VEZT: variants seen among roughly 807,000 people sequenced by gnomAD.
The protein encoded by VEZT is vezatin.
In VEZT, 39 loss-of-function variants were observed where a neutral mutation model predicts 79.9. The ratio of observed to expected loss-of-function variants is 0.49; its 90% CI spans 0.38 to 0.64. The LOEUF (loss-of-function observed/expected upper bound fraction) is 0.64, where lower values mean the gene tolerates loss of function less well. Among genes scored for constraint, VEZT ranks in the 30% least tolerant of loss-of-function variants. The pLI is 0.00. For missense variants in VEZT, 837 were observed against 893.1 expected (o/e 0.94, Z 0.80); for synonymous variants, 325 against 327.6 (o/e 0.99, Z 0.09).
chr12:95,286,593 C>A, intron 8 of VEZT: 1 of 458,444 alleles, frequency 2.2e-6, no homozygotes, highest in South Asian at 1.8e-5. Context: ...CCATCTTTTT[C>A]TTCACCAGCT....
intron 3 of VEZT, among the ~76,000 whole-genome samples, chr12:95,261,311 T>C (rs1204381309): frequency 6.6e-6 from 1 of 152,224 alleles, no homozygotes; most frequent in Non-Finnish European, 1.5e-5. Context: ...CTAACAGGTT[T>C]TACTTTAATT....
intron 1 of VEZT, among the ~76,000 whole-genome samples, chr12:95,250,750 T>G (rs577649370): frequency 5.3e-5 from 8 of 151,008 alleles, no homozygotes; most frequent in Non-Finnish European, 8.9e-5. Flanking sequence ...TGGGGTGATT[T>G]TTTTTTTTTT....
intron 1 of VEZT, among the ~76,000 whole-genome samples, chr12:95,225,329 C>T (rs183891131): frequency 2.0e-5 from 3 of 152,076 alleles, no homozygotes; most frequent in Admixed American, 2.0e-4. Context: ...CCGAGGCGGG[C>T]GGATCACCAG....
chr12:95,267,472 C>T (rs2065754053), intron 5 of VEZT, among the ~76,000 whole-genome samples: 2 of 152,126 alleles, frequency 1.3e-5, no homozygotes, highest in South Asian at 4.1e-4. Context: ...TGGTGAAGAA[C>T]ATTCATAGCT....
intron 6 of VEZT, among the ~76,000 whole-genome samples, chr12:95,272,480 TAG>T (rs1396162392): frequency 6.6e-6 from 1 of 152,174 alleles, no homozygotes; most frequent in African/African-American, 2.4e-5. Flanking sequence ...AGTTGGAGGT[TAG>T]AGTATGAAAT....
At chr12:95,262,060 C>G (rs552192882) in intron 3 of VEZT, among the ~76,000 whole-genome samples, 1 of 152,342 alleles carries the variant, frequency 6.6e-6, no homozygotes, top group East Asian at 1.9e-4. Context: ...CCCACTTCTC[C>G]AACTCCTTTG....
rs934733008 is a variant in VEZT at position 95,274,301 on chromosome 12, G to GA, written c.849-434dup. 3.9e-5 allele frequency among the ~76,000 whole-genome samples: 6 copies of GA among 152,036 alleles called. No homozygotes were observed. The East Asian group carries it at 1.2e-3, about 29-fold the overall frequency. On this transcript the variant is annotated intron_variant, in intron 6 of 11. Coordinates refer to ENST00000436874, the MANE Select transcript of VEZT (RefSeq NM_017599.4). ...ACAACATGGCAAAACATCATCTCTA[G>GA]AAAAAAATACAAAAATCAGCTGGGT...
chr12:95,252,057 A>G lies in VEZT; in HGVS notation c.154A>G (p.Arg52Gly), dbSNP rs745446290. 2.1e-5 allele frequency: 34 copies of G among 1,607,454 alleles called. No individual in the cohort carries two copies. Among genetic ancestry groups the G allele is most frequent in the Non-Finnish European group, 2.7e-5 (32 of 1,177,964 alleles). ...AGAGGGACAACAAAAGCCTCCTACA[A>G]GAGTCCTACCAAAAGTAAGAACGCA... is the stretch of plus-strand genomic sequence containing the variant. ...TTEGQQKPPT[R>G]VLPKQGILLK... The change falls in exon 2 of 12, where the codon AGA (arginine) becomes GGA (glycine). Residue 52 changes from arginine (R) to glycine (G), a missense_variant. Transcript: ENST00000436874.
intron 6 of VEZT, among the ~76,000 whole-genome samples, chr12:95,270,748 G>A (rs2066427266): frequency 6.6e-6 from 1 of 152,188 alleles, no homozygotes; most frequent in Non-Finnish European, 1.5e-5. Context: ...GTTAATCCAT[G>A]TAAAGTGATC....
intron 1 of VEZT, among the ~76,000 whole-genome samples, chr12:95,246,397 A>G (rs2061725760): frequency 1.3e-5 from 2 of 152,320 alleles, no homozygotes; most frequent in African/African-American, 2.4e-5. Context: ...TGCTGGGATT[A>G]CAGGCGTGAG....
chr12:95,291,056 G>A (rs2072651267), intron 9 of VEZT, among the ~76,000 whole-genome samples: 1 of 152,058 alleles, frequency 6.6e-6, no homozygotes, highest in Admixed American at 6.5e-5. Context: ...CTTGAAACCA[G>A]TAGTTTGAGA....
chr12:95,267,996 T>C (rs990522651), intron 5 of VEZT, among the ~76,000 whole-genome samples: 1 of 151,850 alleles, frequency 6.6e-6, no homozygotes, highest in Non-Finnish European at 1.5e-5. Context: ...CACTCCAGTT[T>C]GGGCAACAGA....
intron 1 of VEZT, among the ~76,000 whole-genome samples, chr12:95,246,532 G>C (rs1308151252): frequency 1.3e-5 from 2 of 152,206 alleles, no homozygotes; most frequent in Non-Finnish European, 2.9e-5. Flanking sequence ...CAGCAAAAAT[G>C]TGGGATTTTC....
At chr12:95,278,680 G>A (rs1370924537) in intron 7 of VEZT, among the ~76,000 whole-genome samples, 1 of 152,186 alleles carries the variant, frequency 6.6e-6, no homozygotes, top group Non-Finnish European at 1.5e-5. Flanking sequence ...TTTAGTGATA[G>A]TAAGTATTGC....
Position 95,294,370 on chromosome 12 carries a change from C to G in VEZT, c.1621C>G (p.Gln541Glu), listed in dbSNP as rs201052696. 128 of 1,571,458 alleles carry G rather than the reference C, an allele frequency of 8.1e-5. No homozygotes were observed. In the East Asian group the frequency reaches 1.8e-3, roughly 23 times the overall value. ...IADKDPIPEE[Q>E]ELEAYVDDID... is the part of the protein sequence containing the mutation. Reference sequence around the variant, plus strand: ...AGACAAAGATCCAATCCCAGAGGAGCAGGTAAGGGTGAAAATTACTGTTCT... The same window carrying G: ...AGACAAAGATCCAATCCCAGAGGAGGAGGTAAGGGTGAAAATTACTGTTCT... Residue 541 changes from glutamine (Q) to glutamate (E), a missense_variant and splice_region_variant, in exon 10 of 12, where the codon CAG (glutamine) becomes GAG (glutamate). Physicochemically the swap from Gln to Glu is conservative, Grantham distance 29. Coordinates refer to ENST00000436874, the MANE Select transcript of VEZT (RefSeq NM_017599.4).
intron 3 of VEZT, among the ~76,000 whole-genome samples, chr12:95,260,251 G>C (rs1006973876): frequency 6.6e-6 from 1 of 151,792 alleles, no homozygotes; most frequent in South Asian, 2.1e-4. Flanking sequence ...GACTACAGGT[G>C]CACGCCACCA....
intron 9 of VEZT, among the ~76,000 whole-genome samples, chr12:95,292,844 GC>G (rs1201564196): frequency 3.1e-5 from 4 of 128,452 alleles, no homozygotes; most frequent in Non-Finnish European, 6.3e-5. Context: ...ACTGTACCTG[GC>G]CCTTTTTTTT....
intron 9 of VEZT, among the ~76,000 whole-genome samples, chr12:95,289,081 C>CAAAAAAAAAA (rs71078697): frequency 3.3e-5 from 4 of 123,040 alleles, no homozygotes; most frequent in Non-Finnish European, 7.2e-5. Flanking sequence ...GACTCCGTCT[C>CAAAAAAAAAA]AAAAAAAAAA....
chr12:95,302,702 A>T lies in VEZT; in HGVS notation c.*2029A>T, dbSNP rs1288027410. 1 of 152,108 alleles carries T rather than the reference A, an allele frequency of 6.6e-6. No homozygotes were observed. The allele number at this position is 152,108 out of a possible 1,614,324, so 9.4% of individuals were successfully genotyped here. On this transcript the variant is annotated 3_prime_UTR_variant, in exon 12 of 12. Coordinates refer to ENST00000436874, the MANE Select transcript of VEZT (RefSeq NM_017599.4). The stretch of plus-strand genomic sequence containing the variant: ...ATAAAGTCTTATTTTTAAAATGCAA[A>T]TTTTAGACCATACTCCCAGTGATTC...
Sources: allele counts gnomAD v4.1 joint callset (sites outside exome capture counted in the v4.1 genomes callset), GRCh38; gene constraint gnomAD v4.1.1; transcripts MANE v1.5; gene names NCBI Gene and HGNC (gene_info 2026-07-23, HGNC 2026-07-21).